The following FSTL4 variants were observed in gnomAD, a reference collection of about 807,000 sequenced individuals.
FSTL4 encodes follistatin-related protein 4.
A neutral mutation model predicts 78.2 loss-of-function variants in FSTL4; 28 were observed. The observed-to-expected ratio is 0.36, with a 90% CI of 0.27 to 0.49. The LOEUF is 0.49. Ranked by LOEUF, FSTL4 falls within the 20% of genes least tolerant of loss-of-function variation. The probability of loss-of-function intolerance (pLI) is 0.98; values close to 1 mark genes in which losing one functional copy is unlikely to be tolerated. For missense variants in FSTL4, 922 were observed against 1,084.9 expected (o/e 0.85, Z 2.11); for synonymous variants, 422 against 440.5 (o/e 0.96, Z 0.53).
chr5:133,582,337 T>C (rs74605325), intron 2 of FSTL4, among the ~76,000 whole-genome samples: 8 of 152,224 alleles, frequency 5.3e-5, no homozygotes, highest in African/African-American at 1.9e-4. Context: ...TCCAGGAGCT[T>C]CAGTTTCCTC....
intron 3 of FSTL4, among the ~76,000 whole-genome samples, chr5:133,499,053 T>C (rs1427575579): frequency 1.3e-5 from 2 of 151,008 alleles, no homozygotes; most frequent in African/African-American, 4.9e-5. Flanking sequence ...TTTCTAAATA[T>C]GTAACAACGG....
the FSTL4 span, among the ~76,000 whole-genome samples, chr5:133,739,186 T>C: frequency 6.6e-6 from 1 of 152,038 alleles, no homozygotes; most frequent in Non-Finnish European, 1.5e-5. Flanking sequence ...AGAAATACTC[T>C]AACCCAGAGG....
At chr5:133,685,308 G>A in the FSTL4 span, among the ~76,000 whole-genome samples, 21 of 152,162 alleles carry the variant, frequency 1.4e-4, no homozygotes, top group Non-Finnish European at 2.9e-4. Flanking sequence ...AGGTTTGTGC[G>A]CTTTGAATAT....
chr5:133,261,255 C>T (rs1434672329), intron 6 of FSTL4, among the ~76,000 whole-genome samples: 1 of 152,168 alleles, frequency 6.6e-6, no homozygotes, highest in Admixed American at 6.5e-5. Flanking sequence ...CTCTTTTCTG[C>T]AGTCCTCAGA....
At chr5:133,420,042 T>C (rs1012717945) in intron 3 of FSTL4, among the ~76,000 whole-genome samples, 7 of 152,210 alleles carry the variant, frequency 4.6e-5, no homozygotes, top group African/African-American at 1.7e-4. Context: ...CAAACTGTGA[T>C]ATAGTCATAC....
At chr5:133,311,550 T>C (rs1241620524) in intron 6 of FSTL4, among the ~76,000 whole-genome samples, 1 of 152,214 alleles carries the variant, frequency 6.6e-6, no homozygotes, top group Non-Finnish European at 1.5e-5. Flanking sequence ...AGAGCCCTTC[T>C]TGCCAACAAA....
chr5:133,707,136 C>A, the FSTL4 span, among the ~76,000 whole-genome samples: 2 of 152,234 alleles, frequency 1.3e-5, no homozygotes, highest in African/African-American at 2.4e-5. Context: ...CACTGGGCAG[C>A]TCCCTGACTC....
chr5:133,496,621 G>A (rs1758371408), intron 3 of FSTL4, among the ~76,000 whole-genome samples: 1 of 152,230 alleles, frequency 6.6e-6, no homozygotes, highest in Non-Finnish European at 1.5e-5. Flanking sequence ...CAATACCCTC[G>A]CAGATGCCCC....
the FSTL4 span, among the ~76,000 whole-genome samples, chr5:133,803,178 G>A: frequency 6.6e-6 from 1 of 152,192 alleles, no homozygotes; most frequent in East Asian, 1.9e-4. Flanking sequence ...CACTTTGTGA[G>A]TCAAACAACC....
intron 15 of FSTL4, among the ~76,000 whole-genome samples, chr5:133,201,406 CT>C: frequency 6.6e-6 from 1 of 152,248 alleles, no homozygotes; most frequent in East Asian, 1.9e-4. Flanking sequence ...CACAGATGCT[CT>C]GGGGGTTCCT....
intron 13 of FSTL4, among the ~76,000 whole-genome samples, chr5:133,210,636 G>A (rs1439211974): frequency 1.3e-5 from 2 of 151,984 alleles, no homozygotes; most frequent in Non-Finnish European, 2.9e-5. Flanking sequence ...GGGATTACAG[G>A]CATACACACC....
At chr5:133,731,317 T>C in the FSTL4 span, among the ~76,000 whole-genome samples, 1 of 152,016 alleles carries the variant, frequency 6.6e-6, no homozygotes, top group Admixed American at 6.5e-5. Flanking sequence ...TCATCTACAC[T>C]CTGGAAAAGA....
the FSTL4 span, among the ~76,000 whole-genome samples, chr5:133,698,656 C>T: frequency 2.6e-5 from 4 of 152,272 alleles, no homozygotes; most frequent in African/African-American, 9.6e-5. Context: ...GGCACAGCAT[C>T]TGCAAAGATA....
At chr5:133,249,377 G>A (rs373175438) in intron 7 of FSTL4, 33 bp downstream of exon 7, 13 of 1,584,520 alleles carry the variant, frequency 8.2e-6, no homozygotes, top group Middle Eastern at 1.7e-4. Context: ...AGGGAGGTGC[G>A]CTTGAGCTCA....
chr5:133,370,288 G>A (rs947049382), intron 4 of FSTL4, among the ~76,000 whole-genome samples: 12 of 152,142 alleles, frequency 7.9e-5, no homozygotes, highest in Non-Finnish European at 1.2e-4. Context: ...GCTGTGGTTG[G>A]CAGGCTGGGC....
the FSTL4 span, among the ~76,000 whole-genome samples, chr5:133,657,773 T>G: frequency 7.3e-5 from 8 of 109,592 alleles, no homozygotes; most frequent in African/African-American, 2.0e-4. Context: ...TTTGTTTTTT[T>G]TGTTTTTTTT....
chr5:133,737,794 G>A, the FSTL4 span, among the ~76,000 whole-genome samples: 11 of 151,896 alleles, frequency 7.2e-5, no homozygotes, highest in Admixed American at 3.9e-4. Context: ...TAGTAGAGAC[G>A]GGGTTTCACC....
In FSTL4 at chr5:133,228,210, G is replaced by A. The variant is rs1387012859; in HGVS notation, c.1016-2391C>T. 2.6e-5 allele frequency among the ~76,000 whole-genome samples: 4 copies of A among 152,086 alleles called. No individual in the cohort carries two copies. In the East Asian group the frequency reaches 7.7e-4, roughly 29 times the overall value. On this transcript the variant is annotated intron_variant, in intron 8 of 15. Transcript: ENST00000265342. ...CCGCTGCACTCCAGCCTGGGTGACA[G>A]AGCAAGAACCTCTCTCAAATAATAA...
intron 6 of FSTL4, among the ~76,000 whole-genome samples, chr5:133,295,344 C>T (rs1753366168): frequency 6.6e-6 from 1 of 152,172 alleles, no homozygotes; most frequent in Non-Finnish European, 1.5e-5. Flanking sequence ...TCCACCTCCC[C>T]TCGCCTACTC....
Sources: allele counts gnomAD v4.1 joint callset (sites outside exome capture counted in the v4.1 genomes callset), GRCh38; gene constraint gnomAD v4.1.1; transcripts MANE v1.5; gene names NCBI Gene and HGNC (gene_info 2026-07-23, HGNC 2026-07-21).